The following MAGI3 variants were observed in gnomAD, a reference collection of about 807,000 sequenced individuals.
The protein encoded by MAGI3 is membrane associated guanylate kinase, WW and PDZ domain containing 3, also known as membrane-associated guanylate kinase, WW and PDZ domain-containing protein 3.
Under a neutral mutation model 121.8 loss-of-function variants are expected in MAGI3, and 43 were observed. The observed-to-expected ratio is 0.35, with a 90% CI of 0.28 to 0.46. The LOEUF (loss-of-function observed/expected upper bound fraction) is 0.46, where lower values mean the gene tolerates loss of function less well. MAGI3 is among the 20% of genes least tolerant of loss of function. The pLI is 1.00. For synonymous variants in MAGI3, 553 were observed against 639.3 expected (o/e 0.86, Z 2.04); for missense variants, 1,547 against 1,797.3 (o/e 0.86, Z 2.52).
chr1:113,533,779 C>CTTTTTT (rs1369851533), intron 1 of MAGI3, among the ~76,000 whole-genome samples: 1 of 140,142 alleles, frequency 7.1e-6, no homozygotes, highest in African/African-American at 2.6e-5. Flanking sequence ...AATATCTTTT[C>CTTTTTT]TTTTTCTTTT....
Position 113,685,099 on chromosome 1 carries a change from T to C in MAGI3, c.*1085T>C, listed in dbSNP as rs745520835. The C allele has an allele frequency of 3.3e-5, 5 of 152,352 alleles. No homozygotes were observed. The highest frequency in any genetic ancestry group is 5.9e-5 in the Non-Finnish European group (4 of 68,032). The allele number at this position is 152,352 out of a possible 1,614,324, so 9.4% of individuals were successfully genotyped here. ...GGTATGCCCAGCAAATGAGGACAAA[T>C]GTGTAGACAGTACTTACTGGATCTT... On this transcript the variant is annotated 3_prime_UTR_variant, in exon 21 of 21. Transcript: ENST00000307546.
At chr1:113,394,336 G>T (rs777341698) in intron 1 of MAGI3, among the ~76,000 whole-genome samples, 1 of 152,136 alleles carries the variant, frequency 6.6e-6, no homozygotes, top group Non-Finnish European at 1.5e-5. Context: ...GCTTATAGAA[G>T]AATCTTTGGT....
At chr1:113,563,377 AGT>A (rs900140820) in intron 2 of MAGI3, among the ~76,000 whole-genome samples, 1 of 152,156 alleles carries the variant, frequency 6.6e-6, no homozygotes, top group African/African-American at 2.4e-5. Context: ...CCATTGGCAC[AGT>A]GTTAAGCTTT....
chr1:113,594,332 G>A (rs897959860), intron 5 of MAGI3, 149 bp from the exon 6 acceptor site: 40 of 599,884 alleles, frequency 6.7e-5, no homozygotes, highest in Non-Finnish European at 1.0e-4. Flanking sequence ...GAACAATAGG[G>A]TTAATGAATG....
intron 4 of MAGI3, 102 bp from the exon 5 acceptor site, chr1:113,590,382 C>T: frequency 3.5e-6 from 4 of 1,130,228 alleles, no homozygotes; most frequent in Non-Finnish European, 3.8e-6. Context: ...AGAAATTTGC[C>T]ATATTTATGT....
chr1:113,664,382 C>T (rs185845132), intron 16 of MAGI3, among the ~76,000 whole-genome samples: 159 of 152,284 alleles, frequency 1.0e-3, no homozygotes, highest in Non-Finnish European at 1.6e-3. Flanking sequence ...TTGCCTACAA[C>T]ACTACAGTAT....
At chr1:113,449,308 TCTTA>T (rs1654352142) in intron 1 of MAGI3, among the ~76,000 whole-genome samples, 1 of 151,822 alleles carries the variant, frequency 6.6e-6, no homozygotes, top group Non-Finnish European at 1.5e-5. Context: ...CCTCGTTTAG[TCTTA>T]CTTTGAGGCA....
intron 6 of MAGI3, among the ~76,000 whole-genome samples, chr1:113,611,936 C>CTTACTTATTTAT (rs1553206843): frequency 1.4e-5 from 2 of 138,768 alleles, no homozygotes; most frequent in Admixed American, 7.3e-5. Flanking sequence ...CTAATCCCAA[C>CTTACTTATTTAT]TTATTTATTT....
intron 4 of MAGI3, among the ~76,000 whole-genome samples, chr1:113,588,494 T>C (rs1648516652): frequency 6.6e-6 from 1 of 152,188 alleles, no homozygotes; most frequent in African/African-American, 2.4e-5. Context: ...TTGATTTTTA[T>C]TCTGAAATGA....
intron 1 of MAGI3, among the ~76,000 whole-genome samples, chr1:113,539,790 CT>C (rs1164684531): frequency 2.8e-3 from 380 of 137,330 alleles, no homozygotes; most frequent in Middle Eastern, 0.011. Context: ...TGAAGCATTA[CT>C]TTTTTTTTTT....
intron 9 of MAGI3, among the ~76,000 whole-genome samples, chr1:113,638,626 G>A (rs1241423864): frequency 6.6e-6 from 1 of 152,212 alleles, no homozygotes; most frequent in Non-Finnish European, 1.5e-5. Flanking sequence ...CATGTGAGGT[G>A]TCAGTCTGCC....
chr1:113,607,154 C>T (rs1033259356), intron 6 of MAGI3, among the ~76,000 whole-genome samples: 3 of 152,110 alleles, frequency 2.0e-5, no homozygotes, highest in Non-Finnish European at 2.9e-5. Context: ...AAACTATCTA[C>T]TGGTACCCAG....
At chr1:113,673,798 T>C (rs1647704242) in intron 19 of MAGI3, among the ~76,000 whole-genome samples, 1 of 152,106 alleles carries the variant, frequency 6.6e-6, no homozygotes, top group African/African-American at 2.4e-5. Flanking sequence ...TTAATAAGAG[T>C]CTTGAGAAAG....
chr1:113,558,111 A>G (rs1415590118), intron 2 of MAGI3, among the ~76,000 whole-genome samples: 1 of 152,240 alleles, frequency 6.6e-6, no homozygotes, highest in East Asian at 1.9e-4. Context: ...AGAAAGAATC[A>G]ATGCAAAAAA....
chr1:113,420,491 G>A (rs1032000705), intron 1 of MAGI3, among the ~76,000 whole-genome samples: 1 of 152,058 alleles, frequency 6.6e-6, no homozygotes, highest in Admixed American at 6.6e-5. Flanking sequence ...AGTTCTTTTG[G>A]GTTAAATATA....
chr1:113,569,682 A>G (rs1272804967), intron 2 of MAGI3, among the ~76,000 whole-genome samples: 1 of 152,142 alleles, frequency 6.6e-6, no homozygotes, highest in Non-Finnish European at 1.5e-5. Context: ...CATCAATACT[A>G]AGACAGTTAT....
At chr1:113,403,651 T>G (rs1356190844) in intron 1 of MAGI3, 1 of 152,116 alleles carries the variant, frequency 6.6e-6, no homozygotes, top group African/African-American at 2.4e-5. Context: ...CTTTTTTGTT[T>G]TAGTTCAAAG....
At chr1:113,543,800 G>A (rs546379740) in intron 1 of MAGI3, among the ~76,000 whole-genome samples, 1 of 151,714 alleles carries the variant, frequency 6.6e-6, no homozygotes, top group South Asian at 2.1e-4. Context: ...CCCCCGAGGC[G>A]GAGGTTGCAG....
At chr1:113,457,199 T>C (rs1654802792) in intron 1 of MAGI3, among the ~76,000 whole-genome samples, 1 of 152,312 alleles carries the variant, frequency 6.6e-6, no homozygotes, top group Non-Finnish European at 1.5e-5. Context: ...TTCTGAGTCA[T>C]ATTTCTTTTT....
Sources: allele counts gnomAD v4.1 joint callset (sites outside exome capture counted in the v4.1 genomes callset), GRCh38; gene constraint gnomAD v4.1.1; transcripts MANE v1.5; gene names NCBI Gene and HGNC (gene_info 2026-07-23, HGNC 2026-07-21).